CCNY: variants seen among roughly 807,000 people sequenced by gnomAD.
CCNY encodes cyclin Y.
Under a neutral mutation model 42.8 loss-of-function variants are expected in CCNY, and 19 were observed. That is an observed-to-expected ratio of 0.44 (90% confidence interval 0.31 to 0.65). The LOEUF (loss-of-function observed/expected upper bound fraction) is 0.65. Among genes scored for constraint, CCNY ranks in the 30% least tolerant of loss-of-function variants. The pLI is 0.07. For synonymous variants in CCNY, 165 were observed against 162.7 expected (o/e 1.01, Z -0.11); for missense variants, 370 against 437.3 (o/e 0.85, Z 1.37).
At chr10:35,426,158 C>G (rs1020397304) in intron 1 of CCNY, among the ~76,000 whole-genome samples, 1 of 147,866 alleles carries the variant, frequency 6.8e-6, no homozygotes, top group African/African-American at 2.5e-5. Flanking sequence ...CACACACACA[C>G]AGATGTGCGT....
intron 3 of CCNY, among the ~76,000 whole-genome samples, chr10:35,309,798 C>CTTAT (rs1050780203): frequency 1.9e-4 from 29 of 151,850 alleles, no homozygotes; most frequent in East Asian, 1.7e-3. Flanking sequence ...GTGTTATTTA[C>CTTAT]TTATTTATTT....
chr10:35,430,152 AC>A (rs1193313977), intron 1 of CCNY, among the ~76,000 whole-genome samples: 4 of 151,362 alleles, frequency 2.6e-5, no homozygotes, highest in Admixed American at 1.3e-4. Context: ...CCCGGCTAAA[AC>A]GGTGAAACCC....
chr10:35,263,236 G>C (rs1324282090), intron 3 of CCNY, among the ~76,000 whole-genome samples: 2 of 151,308 alleles, frequency 1.3e-5, no homozygotes, highest in Non-Finnish European at 2.9e-5. Flanking sequence ...GGGCTCCTGT[G>C]GTCCCAGCTA....
intron 2 of CCNY, among the ~76,000 whole-genome samples, chr10:35,501,247 C>T (rs1320579713): frequency 6.6e-6 from 1 of 152,088 alleles, no homozygotes; most frequent in Non-Finnish European, 1.5e-5. Flanking sequence ...ATCTGTTACC[C>T]CTTAATTGAT....
chr10:35,501,930 C>T (rs532386545), intron 3 of CCNY, among the ~76,000 whole-genome samples: 1 of 152,286 alleles, frequency 6.6e-6, no homozygotes, highest in Non-Finnish European at 1.5e-5. Flanking sequence ...TTCCATGAGG[C>T]TCTCTGTCTC....
intron 3 of CCNY, among the ~76,000 whole-genome samples, chr10:35,510,951 C>T (rs1840313771): frequency 6.6e-6 from 1 of 152,190 alleles, no homozygotes; most frequent in Non-Finnish European, 1.5e-5. Flanking sequence ...TTTCTGACTC[C>T]ACTGTGCTCC....
intron 1 of CCNY, chr10:35,449,772 A>G (rs1292569143): frequency 1.0e-6 from 1 of 985,274 alleles, no homozygotes; most frequent in African/African-American, 1.7e-5. Context: ...AGAAGGCTGC[A>G]GTGCTTCTCC....
At chr10:35,282,313 G>A (rs984418245) in intron 3 of CCNY, among the ~76,000 whole-genome samples, 2 of 151,936 alleles carry the variant, frequency 1.3e-5, no homozygotes, top group Non-Finnish European at 2.9e-5. Flanking sequence ...TTTTTATAGT[G>A]ATGGGGTCTT....
At chr10:35,319,481 A>T (rs754640213) in intron 3 of CCNY, among the ~76,000 whole-genome samples, 9 of 152,264 alleles carry the variant, frequency 5.9e-5, no homozygotes, top group Admixed American at 3.9e-4. Context: ...TCTTGCAGAC[A>T]TTAAAACAAA....
intron 3 of CCNY, among the ~76,000 whole-genome samples, chr10:35,285,025 A>T (rs1048039850): frequency 6.6e-6 from 1 of 151,640 alleles, no homozygotes; most frequent in African/African-American, 2.4e-5. Flanking sequence ...TTATTTATTT[A>T]TTTTTTTCCA....
chr10:35,520,323 T>C (rs1049720191), intron 4 of CCNY, among the ~76,000 whole-genome samples: 1 of 152,210 alleles, frequency 6.6e-6, no homozygotes, highest in African/African-American at 2.4e-5. Flanking sequence ...CATCCCATTC[T>C]AAAATTTTGC....
chr10:35,536,459 AACAG>A (rs1357686381), intron 7 of CCNY, among the ~76,000 whole-genome samples: 21 of 152,338 alleles, frequency 1.4e-4, no homozygotes, highest in Admixed American at 1.1e-3. Context: ...AGAATTGGGT[AACAG>A]ACAGAGATTG....
In CCNY at chr10:35,467,985, A is replaced by G. The variant is rs186953889; in HGVS notation, c.155-15419A>G. Among the ~76,000 whole-genome samples the G allele has an allele frequency of 9.8e-5, 15 of 152,352 alleles. No individual in the cohort carries two copies. The East Asian group carries it at 2.7e-3, about 27-fold the overall frequency. On this transcript the variant is annotated intron_variant, in intron 1 of 9. Transcript: ENST00000374704. ...GAATATCTAACCTGCAGTTTAACTC[A>G]TCTATTGAATTGTAGATTTCATTGA...
chr10:35,542,934 G>C (rs1064559), intron 7 of CCNY, among the ~76,000 whole-genome samples: 1 of 152,232 alleles, frequency 6.6e-6, no homozygotes, highest in African/African-American at 2.4e-5. Context: ...GGGAGTCTAA[G>C]AGTTGCCATG....
At chr10:35,566,882 G>A (rs1324793347) in intron 9 of CCNY, among the ~76,000 whole-genome samples, 1 of 149,830 alleles carries the variant, frequency 6.7e-6, no homozygotes. Flanking sequence ...ATTTTTTTTT[G>A]TATTTTTAGT....
chr10:35,363,179 C>G (rs1457925713), intron 1 of CCNY, among the ~76,000 whole-genome samples: 1 of 150,326 alleles, frequency 6.7e-6, no homozygotes, highest in Non-Finnish European at 1.5e-5. Context: ...CCTCACTTCC[C>G]CGACGGGGCG....
chr10:35,426,689 T>TA (rs1433184028), intron 1 of CCNY, among the ~76,000 whole-genome samples: 7 of 152,374 alleles, frequency 4.6e-5, no homozygotes, highest in African/African-American at 1.7e-4. Flanking sequence ...GTGATGACTT[T>TA]AAAGCCAATA....
chr10:35,526,575 T>C (rs1160371401), intron 5 of CCNY, among the ~76,000 whole-genome samples: 1 of 152,180 alleles, frequency 6.6e-6, no homozygotes, highest in African/African-American at 2.4e-5. Context: ...AAAATGCAAC[T>C]TCAAGACATT....
Position 35,336,561 on chromosome 10 carries a change from A to T in CCNY, c.-493A>T, listed in dbSNP as rs1327819757. Among the ~76,000 whole-genome samples the T allele has an allele frequency of 2.0e-5, 3 of 147,120 alleles. No individual in the cohort carries two copies. The highest frequency in any genetic ancestry group is 4.5e-5 in the Non-Finnish European group (3 of 66,268). The stretch of plus-strand genomic sequence containing the variant: ...CGCGAGGAGTCCGGGGGCTGCGCCC[A>T]CGCCCGCTGCCCGCCCGCTCGTCGG... On this transcript the variant is annotated 5_prime_UTR_variant, in exon 1 of 10. Coordinates refer to ENST00000374704, the MANE Select transcript of CCNY (RefSeq NM_145012.6).
Sources: gnomAD v4.1 joint callset for allele counts (sites outside exome capture counted in the v4.1 genomes callset) on GRCh38, gnomAD v4.1.1 for gene constraint, MANE v1.5 for transcripts, NCBI Gene and HGNC (gene_info 2026-07-23, HGNC 2026-07-21) for gene names.